Variants in PM20D2 observed in about 807,000 individuals in gnomAD.
The protein encoded by PM20D2 is peptidase M20 domain containing 2, also known as xaa-Arg dipeptidase.
PM20D2 carries 33 observed loss-of-function variants against 42.9 expected under a neutral mutation model. That is an observed-to-expected ratio of 0.77 (90% confidence interval 0.58 to 1.03). The LOEUF (loss-of-function observed/expected upper bound fraction) is 1.03, where lower values mean the gene tolerates loss of function less well. Among genes scored for constraint, PM20D2 ranks in the 50% least tolerant of loss-of-function variants. The pLI is 0.00. For missense variants in PM20D2, 548 were observed against 557.0 expected, an observed-to-expected ratio of 0.98 and a Z score of 0.16; for synonymous variants, 250 against 228.2, an observed-to-expected ratio of 1.10 and a Z score of -0.86.
chr6:89,146,440 C>A lies in PM20D2; in HGVS notation c.296C>A (p.Pro99Gln). ...AEWEPPEARA[P>Q]SATPRPLHLG... ...TGGGAGCCGCCGGAGGCCCGGGCAC[C>A]GAGCGCCACGCCACGCCCGCTGCAC... The change falls in exon 1 of 7, where the codon CCG becomes CAG. Residue 99 changes from proline (P) to glutamine (Q), a missense_variant. Physicochemically the swap from Pro to Gln is moderately conservative, Grantham distance 76 (BLOSUM62 -1). Coordinates refer to ENST00000275072, the MANE Select transcript of PM20D2 (RefSeq NM_001010853.3). 6.6e-7 allele frequency: 1 copy of A among 1,522,964 alleles called. No individual in the cohort carries two copies. The highest frequency in any genetic ancestry group is 8.8e-7 in the Non-Finnish European group (1 of 1,142,550). 94.3% of individuals were successfully genotyped at this position (1,522,964 alleles called of 1,614,324 possible).
the PM20D2 span, among the ~76,000 whole-genome samples, chr6:89,124,736 G>GTTTTTTTTTTT: frequency 3.9e-4 from 42 of 108,454 alleles, 2 homozygotes; most frequent in Middle Eastern, 5.1e-3. Context: ...TGCTGTTGTT[G>GTTTTTTTTTTT]TTTTTTTTTT....
chr6:89,113,467 C>T, the PM20D2 span, among the ~76,000 whole-genome samples: 2 of 151,986 alleles, frequency 1.3e-5, no homozygotes, highest in Non-Finnish European at 2.9e-5. Context: ...CCACCGCACC[C>T]AGCCCAATTT....
At chr6:89,111,342 T>C in the PM20D2 span, among the ~76,000 whole-genome samples, 1 of 152,234 alleles carries the variant, frequency 6.6e-6, no homozygotes, top group Non-Finnish European at 1.5e-5. Flanking sequence ...AAATATGTTG[T>C]AGTTTTTGGT....
At chr6:89,144,738 C>T (rs1443086192), upstream of PM20D2, among the ~76,000 whole-genome samples, 1 of 152,158 alleles carries the variant, frequency 6.6e-6, no homozygotes, top group African/African-American at 2.4e-5. Flanking sequence ...CTTTTTTTAG[C>T]CAACTAACTG....
the PM20D2 span, among the ~76,000 whole-genome samples, chr6:89,094,164 G>A: frequency 8.6e-5 from 13 of 151,700 alleles, no homozygotes; most frequent in African/African-American, 2.7e-4. Flanking sequence ...CAAGCGATCT[G>A]CTCGCCTCAG....
intron 5 of PM20D2, among the ~76,000 whole-genome samples, chr6:89,159,909 G>A (rs898702399): frequency 1.9e-4 from 29 of 152,212 alleles, no homozygotes; most frequent in Admixed American, 1.4e-3. Context: ...AGCTGAAGAA[G>A]GGAAGACACA....
At chr6:89,130,700 T>A in the PM20D2 span, among the ~76,000 whole-genome samples, 1 of 151,984 alleles carries the variant, frequency 6.6e-6, no homozygotes, top group Non-Finnish European at 1.5e-5. Context: ...GCTTAAGTGA[T>A]CTTCCTGTGT....
In PM20D2 at chr6:89,162,629, A is replaced by T. The variant is rs1010531777; in HGVS notation, c.*366A>T. On this transcript the variant is annotated 3_prime_UTR_variant, in exon 7 of 7. Coordinates refer to ENST00000275072, the MANE Select transcript of PM20D2 (RefSeq NM_001010853.3). ...TTTGTAAGCCTTAAATGTTATGTGT[A>T]TTTTTAAAAGCTTAAGAGATTTCAA... is the stretch of plus-strand genomic sequence containing the variant. The T allele has an allele frequency of 6.1e-6, 1 of 164,154 alleles. No homozygotes were observed. The highest frequency in any genetic ancestry group is 1.3e-5 in the Non-Finnish European group (1 of 75,812). The allele number at this position is 164,154 out of a possible 1,614,324, so 10.2% of individuals were successfully genotyped here. A position where few individuals can be genotyped will look rare whatever the true frequency, so the allele number is the denominator to read the frequency against.
chr6:89,140,067 C>T, the PM20D2 span, among the ~76,000 whole-genome samples: 2 of 152,120 alleles, frequency 1.3e-5, no homozygotes, highest in Non-Finnish European at 2.9e-5. Flanking sequence ...AGACAGAGAG[C>T]TGGGACTACA....
chr6:89,145,509 G>A (rs1288306313), upstream of PM20D2, among the ~76,000 whole-genome samples: 2 of 152,112 alleles, frequency 1.3e-5, no homozygotes, highest in Non-Finnish European at 2.9e-5. Context: ...CATACCAAGA[G>A]CTTACTGCAT....
chr6:89,118,224 C>T, the PM20D2 span: 5 of 152,606 alleles, frequency 3.3e-5, no homozygotes, highest in African/African-American at 1.2e-4. Flanking sequence ...CGGCGAGGGC[C>T]AGTGTATGTC....
chr6:89,106,917 G>C, the PM20D2 span: 1 of 545,898 alleles, frequency 1.8e-6, no homozygotes, highest in Non-Finnish European at 3.5e-6. Flanking sequence ...CTTGATGCTT[G>C]AACTTTAGGT....
chr6:89,127,836 C>T, the PM20D2 span, among the ~76,000 whole-genome samples: 50 of 152,260 alleles, frequency 3.3e-4, no homozygotes, highest in Admixed American at 2.5e-3. Context: ...CGGCTGGAGC[C>T]GCAGCAGAGG....
the PM20D2 span, among the ~76,000 whole-genome samples, chr6:89,099,698 G>A: frequency 3.9e-5 from 6 of 151,908 alleles, no homozygotes; most frequent in African/African-American, 1.2e-4. Context: ...ACCACGCCCA[G>A]CTAACTTTGT....
chr6:89,160,751 AGAGC>A (rs1771206023), intron 5 of PM20D2, among the ~76,000 whole-genome samples: 1 of 152,244 alleles, frequency 6.6e-6, no homozygotes, highest in Non-Finnish European at 1.5e-5. Flanking sequence ...CATCTCTGTG[AGAGC>A]TTATGCTAGA....
At chr6:89,120,650 A>G in the PM20D2 span, among the ~76,000 whole-genome samples, 52 of 152,144 alleles carry the variant, frequency 3.4e-4, no homozygotes, top group African/African-American at 1.2e-3. Context: ...GATTGCTCCA[A>G]GCTAGAAGTT....
At chr6:89,158,530 G>GT in intron 5 of PM20D2, 70 bp downstream of exon 5, 1 of 1,533,258 alleles carries the variant, frequency 6.5e-7, no homozygotes, top group Non-Finnish European at 8.8e-7. Context: ...TAAATTGGTT[G>GT]TATTTAATGG....
chr6:89,115,294 T>C, the PM20D2 span, among the ~76,000 whole-genome samples: 7 of 150,410 alleles, frequency 4.7e-5, no homozygotes, highest in South Asian at 1.3e-3. Flanking sequence ...TATTTATTTA[T>C]TTTTTGAGAC....
chr6:89,103,207 T>G, the PM20D2 span, among the ~76,000 whole-genome samples: 1 of 152,232 alleles, frequency 6.6e-6, no homozygotes, highest in Non-Finnish European at 1.5e-5. Flanking sequence ...GACAGTCAAG[T>G]ATTATACTTT....
Sources: gnomAD v4.1 joint callset for allele counts (sites outside exome capture counted in the v4.1 genomes callset) on GRCh38, gnomAD v4.1.1 for gene constraint, MANE v1.5 for transcripts, NCBI Gene and HGNC (gene_info 2026-07-23, HGNC 2026-07-21) for gene names.